Variants in PSD3 observed in about 807,000 individuals in gnomAD.
PSD3 encodes the protein PH and SEC7 domain-containing protein 3.
Under a neutral mutation model 105.5 loss-of-function variants are expected in PSD3, and 49 were observed. The observed-to-expected ratio is 0.46, with a 90% CI of 0.37 to 0.59. The LOEUF (loss-of-function observed/expected upper bound fraction) is 0.59. Ranked by LOEUF, PSD3 falls within the 20% of genes least tolerant of loss-of-function variation. The pLI is 0.00. For synonymous variants in PSD3, 557 were observed against 457.8 expected (o/e 1.22, Z -2.77); for missense variants, 1,561 against 1,263.8 (o/e 1.24, Z -3.57).
At chr8:18,760,355 G>T (rs977579925) in intron 9 of PSD3, among the ~76,000 whole-genome samples, 2 of 151,940 alleles carry the variant, frequency 1.3e-5, no homozygotes, top group African/African-American at 4.8e-5. Context: ...AAAGCTCTAT[G>T]ATTTATTTAT....
chr8:18,621,786 G>A (rs1806128387), intron 11 of PSD3, among the ~76,000 whole-genome samples: 1 of 152,118 alleles, frequency 6.6e-6, no homozygotes, highest in African/African-American at 2.4e-5. Context: ...GGCTTTGCCT[G>A]TACTTAAAGA....
chr8:18,555,866 A>T (rs1170439077), intron 15 of PSD3, among the ~76,000 whole-genome samples: 3 of 152,150 alleles, frequency 2.0e-5, no homozygotes, highest in Admixed American at 6.5e-5. Context: ...TTTGACTCCA[A>T]TTCTGCCGGA....
At chr8:19,052,470 C>CAAAAA (rs5889846) in intron 1 of PSD3, among the ~76,000 whole-genome samples, 1 of 116,122 alleles carries the variant, frequency 8.6e-6, no homozygotes. Flanking sequence ...GACTCTGTCT[C>CAAAAA]AAAAAAAAAA....
intron 1 of PSD3, among the ~76,000 whole-genome samples, chr8:19,047,374 A>C (rs1002036463): frequency 2.0e-5 from 3 of 152,198 alleles, no homozygotes; most frequent in Non-Finnish European, 2.9e-5. Flanking sequence ...GAGAGGCCAC[A>C]AGATGCTCAT....
At chr8:19,037,513 G>T (rs892337654) in intron 1 of PSD3, among the ~76,000 whole-genome samples, 1 of 152,202 alleles carries the variant, frequency 6.6e-6, no homozygotes, top group Non-Finnish European at 1.5e-5. Flanking sequence ...AATTATTTCT[G>T]GGTGTCTGTG....
intron 15 of PSD3, among the ~76,000 whole-genome samples, chr8:18,555,040 A>C (rs2259194): frequency 0.99 from 151,245 of 152,066 alleles, 75,226 homozygotes; most frequent in Middle Eastern, 1. Flanking sequence ...AGTGAAAGAA[A>C]TGAGACTTTC....
intron 1 of PSD3, among the ~76,000 whole-genome samples, chr8:18,955,104 G>C (rs1381620648): frequency 6.6e-6 from 1 of 152,190 alleles, no homozygotes; most frequent in Non-Finnish European, 1.5e-5. Context: ...TTCTTGCTCA[G>C]ATGTTGTGGC....
chr8:18,591,486 G>A (rs1404490131), intron 12 of PSD3, among the ~76,000 whole-genome samples: 2 of 152,150 alleles, frequency 1.3e-5, no homozygotes, highest in African/African-American at 4.8e-5. Flanking sequence ...GAGGGCTGAA[G>A]AAAGGTAGAG....
At chr8:18,721,253 A>T (rs1352475995) in intron 9 of PSD3, 3 of 151,808 alleles carry the variant, frequency 2.0e-5, no homozygotes, top group Admixed American at 6.6e-5. Flanking sequence ...GGATTATTTC[A>T]TTAAAAAAAA....
At chr8:18,687,687 G>A (rs533519371) in intron 9 of PSD3, among the ~76,000 whole-genome samples, 1 of 152,156 alleles carries the variant, frequency 6.6e-6, no homozygotes, top group South Asian at 2.1e-4. Flanking sequence ...GTCCACGTGC[G>A]TGTGTGTGTT....
chr8:18,958,779 G>A (rs1228541115), intron 1 of PSD3, among the ~76,000 whole-genome samples: 1 of 152,104 alleles, frequency 6.6e-6, no homozygotes, highest in East Asian at 1.9e-4. Context: ...AATAACCTTA[G>A]CAAACTAGGT....
chr8:18,621,313 T>C (rs190348863), intron 11 of PSD3, among the ~76,000 whole-genome samples: 227 of 152,210 alleles, frequency 1.5e-3, no homozygotes, highest in African/African-American at 5.3e-3. Context: ...GAGGCCACAG[T>C]AGGAGAATTG....
chr8:18,998,410 G>A (rs761217649), intron 1 of PSD3, among the ~76,000 whole-genome samples: 1 of 151,956 alleles, frequency 6.6e-6, no homozygotes, highest in Non-Finnish European at 1.5e-5. Context: ...GTCCTGGGCC[G>A]GGTGCGGTGG....
chr8:18,587,828 T>G (rs1803303506), intron 12 of PSD3, among the ~76,000 whole-genome samples: 1 of 152,224 alleles, frequency 6.6e-6, no homozygotes, highest in South Asian at 2.1e-4. Flanking sequence ...GTACCTGATG[T>G]GATAAATAGC....
intron 8 of PSD3, among the ~76,000 whole-genome samples, chr8:18,766,968 G>C (rs2129443859): frequency 6.6e-6 from 1 of 152,314 alleles, no homozygotes; most frequent in Middle Eastern, 3.4e-3. Context: ...AGGGAGATAT[G>C]CAAACCTGAC....
chr8:18,649,066 T>C (rs13279969), intron 10 of PSD3, among the ~76,000 whole-genome samples: 61,520 of 152,004 alleles, frequency 0.4, 13,076 homozygotes, highest in Middle Eastern at 0.53. Context: ...AGAAGAGAAA[T>C]GTGGGGTTGG....
chr8:19,081,430 C>G (rs1023716751), intron 1 of PSD3, among the ~76,000 whole-genome samples: 1 of 152,210 alleles, frequency 6.6e-6, no homozygotes, highest in African/African-American at 2.4e-5. Flanking sequence ...AGACAGAGCC[C>G]TGGACTGGGG....
intron 12 of PSD3, among the ~76,000 whole-genome samples, chr8:18,588,679 A>C (rs1238623811): frequency 1.3e-5 from 2 of 152,202 alleles, no homozygotes; most frequent in African/African-American, 2.4e-5. Context: ...ATAAATCCGG[A>C]GAAGCAACCT....
chr8:19,063,707 G>C (rs189918752), intron 1 of PSD3, among the ~76,000 whole-genome samples: 1 of 152,180 alleles, frequency 6.6e-6, no homozygotes, highest in Non-Finnish European at 1.5e-5. Flanking sequence ...GTGGTAGTGC[G>C]TCAGAACTGG....
Sources: gnomAD v4.1 joint callset for allele counts (sites outside exome capture counted in the v4.1 genomes callset) on GRCh38, gnomAD v4.1.1 for gene constraint, MANE v1.5 for transcripts, NCBI Gene and HGNC (gene_info 2026-07-23, HGNC 2026-07-21) for gene names.